The following IL2RA variants were observed in gnomAD, a reference collection of about 807,000 sequenced individuals.
The protein encoded by IL2RA is interleukin 2 receptor subunit alpha.
In IL2RA, 24 loss-of-function variants were observed where a neutral mutation model predicts 37.8. The observed-to-expected ratio is 0.63, with a 90% CI of 0.46 to 0.89. The LOEUF is 0.89. Among genes scored for constraint, IL2RA ranks in the 40% least tolerant of loss-of-function variants. The pLI, the probability that IL2RA is intolerant of heterozygous loss-of-function variation, is 0.00. For missense variants in IL2RA, 319 were observed against 348.6 expected (o/e 0.92, Z 0.68); for synonymous variants, 125 against 114.6 (o/e 1.09, Z -0.58).
chr10:6,040,480 G>A (rs1839754755), intron 1 of IL2RA, among the ~76,000 whole-genome samples: 1 of 152,076 alleles, frequency 6.6e-6, no homozygotes, highest in Admixed American at 6.6e-5. Context: ...CATTTTTGAT[G>A]GTTGTTGCCT....
chr10:6,013,985 C>T (rs1229027869), intron 7 of IL2RA, among the ~76,000 whole-genome samples: 2 of 151,984 alleles, frequency 1.3e-5, no homozygotes, highest in Non-Finnish European at 2.9e-5. Flanking sequence ...GTATGTGCCA[C>T]CTCGCCTAGC....
intron 1 of IL2RA, among the ~76,000 whole-genome samples, chr10:6,031,597 G>A (rs1734477903): frequency 6.8e-6 from 1 of 147,386 alleles, no homozygotes; most frequent in African/African-American, 2.5e-5. Flanking sequence ...AAAAACAATT[G>A]TATTTACAAT....
At position 6,010,870 on chromosome 10, in the gene IL2RA, C is replaced by G. The variant is rs192145132; in HGVS notation, c.*2002G>C. ...AGTATTATCATGGAAAAGTTTTGAT[C>G]TTATAGACCCCTCAACACCCAAAAG... On this transcript the variant is annotated 3_prime_UTR_variant, in exon 8 of 8. Coordinates refer to ENST00000379959, the MANE Select transcript of IL2RA (RefSeq NM_000417.3). The G allele has an allele frequency of 3.9e-5, 6 of 152,326 alleles. No individual in the cohort carries two copies. The allele number at this position is 152,326 out of a possible 1,614,324, so 9.4% of individuals were successfully genotyped here. A position where few individuals can be genotyped will look rare whatever the true frequency, so the allele number is the denominator to read the frequency against.
chr10:6,039,007 G>A (rs1839730935), intron 1 of IL2RA, among the ~76,000 whole-genome samples: 1 of 152,168 alleles, frequency 6.6e-6, no homozygotes, highest in East Asian at 1.9e-4. Context: ...TATCAATGTG[G>A]ATAGATTAAC....
In IL2RA at chr10:6,033,462, T is replaced by C. The variant is rs1342258602; in HGVS notation, c.65-7437A>G. The stretch of plus-strand genomic sequence containing the variant: ...CAGAAAGACTTTTATAAAATATTTA[T>C]AGTAACTTCTTTCTTTTATTAAGCC... On this transcript the variant is annotated intron_variant, in intron 1 of 7. Transcript: ENST00000379959. This position sits in a 1 kb window ranked among gnomAD's most constrained non-coding sequence, Gnocchi z 4.3. 6.6e-6 allele frequency among the ~76,000 whole-genome samples: 1 copy of C among 152,242 alleles called. No homozygotes were observed. Among genetic ancestry groups the C allele is most frequent in the East Asian group, 1.9e-4 (1 of 5,208 alleles).
rs1401447496 is a variant in IL2RA, at chr10:6,046,289, T to C, written c.64+15799A>G. 4.6e-5 allele frequency among the ~76,000 whole-genome samples: 7 copies of C among 152,350 alleles called. No individual in the cohort carries two copies. The highest frequency in any genetic ancestry group is 5.9e-5 in the Non-Finnish European group (4 of 68,046). On this transcript the variant is annotated intron_variant, in intron 1 of 7. Transcript: ENST00000379959. The surrounding 1 kb of genome is among the most constrained non-coding windows in gnomAD (Gnocchi z 4.8). ...AACCATGGGAAGTGGGGAGCACTGA[T>C]TGAGGTTCTGGGGTCCTGGCGCTTT... is the stretch of plus-strand genomic sequence containing the variant.
intron 1 of IL2RA, among the ~76,000 whole-genome samples, chr10:6,027,187 G>T (rs558378210): frequency 6.6e-6 from 1 of 152,102 alleles, no homozygotes. Context: ...TTAGCCGGGC[G>T]TGGTGGCATG....
rs1328129680 is a variant in IL2RA at position 6,018,475 on chromosome 10, A to G, written c.728-356T>C. Among the ~76,000 whole-genome samples, 1 of 152,118 alleles carries G rather than the reference A, an allele frequency of 6.6e-6. No individual in the cohort carries two copies. Among genetic ancestry groups the G allele is most frequent in the African/African-American group, 2.4e-5 (1 of 41,394 alleles). ...TGAGAAGCACATTAACATCTCCTGA[A>G]AGAGGTCGGGTTTTCCAGATGCTGC... On this transcript the variant is annotated intron_variant, in intron 6 of 7. Coordinates refer to ENST00000379959, the MANE Select transcript of IL2RA (RefSeq NM_000417.3). The surrounding 1 kb of genome is among the most constrained non-coding windows in gnomAD (Gnocchi z 5.1).
At chr10:6,045,316 G>A (rs559178683) in intron 1 of IL2RA, among the ~76,000 whole-genome samples, 30 of 152,260 alleles carry the variant, frequency 2.0e-4, no homozygotes, top group African/African-American at 5.8e-4. Flanking sequence ...AAACAACAAC[G>A]AAATGATGGG....
Position 6,019,541 on chromosome 10 carries a change from C to A in IL2RA, c.656-42G>T, listed in dbSNP as rs775214486. On this transcript the variant is annotated intron_variant, in intron 5 of 7. Transcript: ENST00000379959. ...AAGAGAGACACTCCTGCTACCGTGA[C>A]TTTAGGACAGCACGAGGCTAAAGGA... 7 of 1,444,504 alleles carry A rather than the reference C, an allele frequency of 4.8e-6. No individual in the cohort carries two copies. In the Admixed American group the frequency reaches 5.0e-5, roughly 10 times the overall value. 89.5% of individuals were successfully genotyped at this position (1,444,504 alleles called of 1,614,324 possible).
chr10:6,042,501 T>A (rs934078569), intron 1 of IL2RA, among the ~76,000 whole-genome samples: 3 of 152,126 alleles, frequency 2.0e-5, no homozygotes, highest in African/African-American at 7.2e-5. Flanking sequence ...TATACTGTAT[T>A]GAACACCCCA....
rs951267272 is a variant in IL2RA, at chr10:6,036,835, T to C, written c.65-10810A>G. On this transcript the variant is annotated intron_variant, in intron 1 of 7. Transcript: ENST00000379959. This position sits in a 1 kb window ranked among gnomAD's most constrained non-coding sequence, Gnocchi z 6.1. ...CTGCTGAAGAAGAAGGATATCCCGG[T>C]TGGCTGCTCTAGAGCCGGCAGGACG... 6.6e-6 allele frequency among the ~76,000 whole-genome samples: 1 copy of C among 152,194 alleles called. No homozygotes were observed. The highest frequency in any genetic ancestry group is 1.5e-5 in the Non-Finnish European group (1 of 68,034).
intron 1 of IL2RA, 71 bp downstream of exon 1, chr10:6,062,017 T>A: frequency 6.2e-6 from 8 of 1,284,742 alleles, no homozygotes; most frequent in Non-Finnish European, 9.1e-6. Flanking sequence ...GGACTCCCTC[T>A]GGTTCTGTGG....
rs1156495186 is a variant in IL2RA, at chr10:6,047,789, CATT to C, written c.64+14296_64+14298del. 6.1e-5 allele frequency among the ~76,000 whole-genome samples: 9 copies of C among 148,400 alleles called. No individual in the cohort carries two copies. Among genetic ancestry groups the C allele is most frequent in the East Asian group, 2.0e-4 (1 of 5,128 alleles). On this transcript the variant is annotated intron_variant, in intron 1 of 7. Coordinates refer to ENST00000379959, the MANE Select transcript of IL2RA (RefSeq NM_000417.3). The surrounding 1 kb of genome is among the most constrained non-coding windows in gnomAD (Gnocchi z 5.0). ...GTTATATAAAATACTATAGTATACT[CATT>C]AATATAATTAGTATATTATATGATA...
chr10:6,032,565 C>T lies in IL2RA; in HGVS notation c.65-6540G>A, dbSNP rs41294705. ...AAAATTAGCCGGGTGTGGTGGTGTG[C>T]GCCTGTAGTCCCACCTGCTGGGGAG... On this transcript the variant is annotated intron_variant, in intron 1 of 7. Transcript: ENST00000379959. 7.0e-3 allele frequency among the ~76,000 whole-genome samples: 1,059 copies of T among 151,934 alleles called. 6 individuals carry two copies. The highest frequency in any genetic ancestry group is 0.011 in the Non-Finnish European group (755 of 67,932).
At chr10:6,019,631 G>C in intron 5 of IL2RA, 132 bp from the exon 6 acceptor site, 1 of 802,196 alleles carries the variant, frequency 1.2e-6, no homozygotes, top group Non-Finnish European at 2.2e-6. Flanking sequence ...GGTGGTGAGG[G>C]AAGGTGTTCC....
chr10:6,051,935 G>T (rs1307405204), intron 1 of IL2RA, among the ~76,000 whole-genome samples: 1 of 149,522 alleles, frequency 6.7e-6, no homozygotes, highest in Non-Finnish European at 1.5e-5. Context: ...CCTTGGAGAA[G>T]TCACAGACTT....
rs143735685 is a variant in IL2RA at position 6,060,865 on chromosome 10, C to G, written c.64+1223G>C. On this transcript the variant is annotated intron_variant, in intron 1 of 7. Coordinates refer to ENST00000379959, the MANE Select transcript of IL2RA (RefSeq NM_000417.3). ...ACAGCCCAGCATGACTGGGCACTTC[C>G]CCTAAACAAGCAAGCAGACTCCTGA... 4.1e-3 allele frequency among the ~76,000 whole-genome samples: 624 copies of G among 152,288 alleles called. 23 individuals are homozygous for G. The South Asian group carries it at 0.085, about 21-fold the overall frequency.
At chr10:6,042,624 CT>C (rs1339608458) in intron 1 of IL2RA, among the ~76,000 whole-genome samples, 2 of 152,064 alleles carry the variant, frequency 1.3e-5, no homozygotes, top group Non-Finnish European at 2.9e-5. Context: ...AGAATCTATA[CT>C]TATCCAAAGA....
Sources: gnomAD v4.1 joint callset for allele counts (sites outside exome capture counted in the v4.1 genomes callset) on GRCh38, gnomAD v4.1.1 for gene constraint, Gnocchi (gnomAD v3.1) non-coding constraint, MANE v1.5 for transcripts, NCBI Gene and HGNC (gene_info 2026-07-23, HGNC 2026-07-21) for gene names.